Variants in PGM1 observed in about 807,000 individuals in gnomAD.
PGM1 encodes the protein phosphoglucomutase-1.
In PGM1, 52 loss-of-function variants were observed where a neutral mutation model predicts 55.6. The observed-to-expected ratio is 0.94, with a 90% confidence interval of 0.75 to 1.18. The LOEUF is 1.18. PGM1 is among the 50% of genes most tolerant of loss of function. PGM1 has a pLI of 0.00. For missense variants in PGM1, 724 were observed against 729.3 expected (o/e 0.99, Z 0.08); for synonymous variants, 287 against 271.7 (o/e 1.06, Z -0.55).
chr1:63,629,199 A>T (rs1649121575), intron 1 of PGM1, among the ~76,000 whole-genome samples: 1 of 152,210 alleles, frequency 6.6e-6, no homozygotes, highest in Non-Finnish European at 1.5e-5. Flanking sequence ...AAAACTACAA[A>T]GTCCCGAAAA....
rs776683132 is a variant in PGM1, at chr1:63,654,360, C to G, written c.1493C>G (p.Ser498Cys). 10 of 1,613,936 alleles carry G rather than the reference C, an allele frequency of 6.2e-6. No homozygotes were observed. The highest frequency in any genetic ancestry group is 8.5e-6 in the Non-Finnish European group (10 of 1,179,920). Residue 498 changes from serine (S) to cysteine (C), a missense_variant, in exon 10 of 11, where the codon TCT (serine) becomes TGT (cysteine). Transcript: ENST00000371084. Reference protein sequence around the residue: ...QGLRLIFTDGSRIVFRLSGTG... With the variant: ...QGLRLIFTDGCRIVFRLSGTG... ...TTGCGCCTCATTTTCACAGATGGTT[C>G]TCGAATCGTCTTCCGACTGAGCGGC...
At chr1:63,595,967 C>T (rs1648053326) in intron 1 of PGM1, among the ~76,000 whole-genome samples, 1 of 152,172 alleles carries the variant, frequency 6.6e-6, no homozygotes, top group Non-Finnish European at 1.5e-5. Context: ...CCGGTTTACT[C>T]GCCATTTCAC....
At chr1:63,639,132 A>G (rs1351279257) in intron 7 of PGM1, among the ~76,000 whole-genome samples, 4 of 152,198 alleles carry the variant, frequency 2.6e-5, no homozygotes, top group Non-Finnish European at 5.9e-5. Flanking sequence ...ACCTTTATAA[A>G]TGTTTTCATT....
At chr1:63,639,062 G>C (rs1220456681) in intron 7 of PGM1, among the ~76,000 whole-genome samples, 2 of 152,182 alleles carry the variant, frequency 1.3e-5, no homozygotes, top group Non-Finnish European at 2.9e-5. Context: ...CGTGGTCATT[G>C]AGTCTGCAGG....
At chr1:63,646,056 T>C (rs1420229031) in intron 7 of PGM1, among the ~76,000 whole-genome samples, 1 of 151,952 alleles carries the variant, frequency 6.6e-6, no homozygotes, top group African/African-American at 2.4e-5. Flanking sequence ...CCTAGGGAAG[T>C]TGGGAGCTAG....
In PGM1 at chr1:63,659,719, T is replaced by C; in HGVS notation, c.*44T>C. On this transcript the variant is annotated 3_prime_UTR_variant, in exon 11 of 11. Transcript: ENST00000371084. ...GTACGTCCCTCCACCCCCGGACCCA[T>C]CCAAGTCATCTGATTGAAGAGCATG... is the stretch of plus-strand genomic sequence containing the variant. 1 of 1,394,490 alleles carries C rather than the reference T, an allele frequency of 7.2e-7. No homozygotes were observed. Among genetic ancestry groups the C allele is most frequent in the Non-Finnish European group, 1.0e-6 (1 of 979,480 alleles). The allele number at this position is 1,394,490 out of a possible 1,614,324, so 86.4% of individuals were successfully genotyped here. A position where few individuals can be genotyped will look rare whatever the true frequency, so the allele number is the denominator to read the frequency against.
chr1:63,635,424 T>C (rs1649337399), intron 5 of PGM1, among the ~76,000 whole-genome samples: 1 of 152,198 alleles, frequency 6.6e-6, no homozygotes, highest in Non-Finnish European at 1.5e-5. Flanking sequence ...ATGAGCTGAA[T>C]ATTGAAGCTG....
intron 1 of PGM1, among the ~76,000 whole-genome samples, chr1:63,620,665 A>T (rs901738122): frequency 5.9e-5 from 9 of 152,342 alleles, no homozygotes; most frequent in African/African-American, 1.9e-4. Context: ...TCTACTGGGA[A>T]GGTATCACTG....
intron 7 of PGM1, among the ~76,000 whole-genome samples, chr1:63,644,718 A>G (rs2100995451): frequency 6.6e-6 from 1 of 152,360 alleles, no homozygotes; most frequent in African/African-American, 2.4e-5. Context: ...AGAAGTTAGC[A>G]TTATTTCTGT....
At chr1:63,646,658 G>A (rs935008218) in intron 7 of PGM1, among the ~76,000 whole-genome samples, 8 of 152,062 alleles carry the variant, frequency 5.3e-5, no homozygotes, top group African/African-American at 1.2e-4. Context: ...GTGGAATCCC[G>A]TTTCCCTTTT....
intron 7 of PGM1, among the ~76,000 whole-genome samples, chr1:63,645,513 T>C (rs970916074): frequency 7.9e-5 from 12 of 152,202 alleles, no homozygotes; most frequent in African/African-American, 2.7e-4. Flanking sequence ...CTTCTCAGGA[T>C]GAACTGTTGC....
In PGM1 at chr1:63,607,728, G is replaced by A. The variant is rs977133543; in HGVS notation, c.246+13994G>A. ...AATTAGTATCGTACCCTGCCAAATCGCCACTCTGGGAACCATGCACGCACT... is the reference window on the plus strand; with the variant it reads ...AATTAGTATCGTACCCTGCCAAATCACCACTCTGGGAACCATGCACGCACT... On this transcript the variant is annotated intron_variant, in intron 1 of 10. Coordinates refer to ENST00000371084, the MANE Select transcript of PGM1 (RefSeq NM_002633.3). Among the ~76,000 whole-genome samples, 7 of 151,988 alleles carry A rather than the reference G, an allele frequency of 4.6e-5. No individual in the cohort carries two copies. The East Asian group carries it at 1.2e-3, about 25-fold the overall frequency.
intron 8 of PGM1, 54 bp downstream of exon 8, chr1:63,648,706 A>T (rs1649723926): frequency 1.0e-5 from 16 of 1,592,688 alleles, no homozygotes; most frequent in Non-Finnish European, 8.6e-6. Flanking sequence ...GGGCAGAGAG[A>T]ATTCTTGCGC....
At chr1:63,646,211 G>A (rs1351854104) in intron 7 of PGM1, among the ~76,000 whole-genome samples, 1 of 152,170 alleles carries the variant, frequency 6.6e-6, no homozygotes, top group East Asian at 1.9e-4. Flanking sequence ...GTGCAGTAGG[G>A]CAGGCACATA....
chr1:63,659,973 A>G lies in PGM1; in HGVS notation c.*298A>G. ...TCAGGTACAGTTTACACTACAATGT[A>G]AGCTATAGGTGGAGCATCAGCAGTG... On this transcript the variant is annotated 3_prime_UTR_variant, in exon 11 of 11. Transcript: ENST00000371084. The G allele has an allele frequency of 2.0e-6, 1 of 506,690 alleles. No individual in the cohort carries two copies. Among genetic ancestry groups the G allele is most frequent in the Non-Finnish European group, 3.6e-6 (1 of 276,614 alleles). The allele number at this position is 506,690 out of a possible 1,614,324, so 31.4% of individuals were successfully genotyped here.
chr1:63,648,662 A>G lies in PGM1; in HGVS notation c.1280+10A>G. 1 of 1,613,520 alleles carries G rather than the reference A, an allele frequency of 6.2e-7. No individual in the cohort carries two copies. Among genetic ancestry groups the G allele is most frequent in the East Asian group, 2.2e-5 (1 of 44,860 alleles). The stretch of plus-strand genomic sequence containing the variant: ...GGAATTTCTTCACCAGGTGAGCCAC[A>G]GCCCAGCTGGGGTACAAGGTAAGGT... On this transcript the variant is annotated intron_variant, in intron 8 of 10. Transcript: ENST00000371084.
chr1:63,611,862 C>T (rs1648575809), intron 1 of PGM1, among the ~76,000 whole-genome samples: 1 of 151,678 alleles, frequency 6.6e-6, no homozygotes, highest in South Asian at 2.1e-4. Flanking sequence ...CGAGATTGCA[C>T]CACTGCACTC....
intron 1 of PGM1, 179 bp downstream of exon 1, chr1:63,593,913 C>G (rs922741482): frequency 3.5e-5 from 43 of 1,242,944 alleles, no homozygotes; most frequent in Non-Finnish European, 4.2e-5. Context: ...ACGGAGGTCG[C>G]CGGGCTGGGG....
chr1:63,634,828 G>A lies in PGM1; in HGVS notation c.683-1G>A. On this transcript the variant is annotated splice_acceptor_variant, in intron 4 of 10. Transcript: ENST00000371084. LOFTEE classifies it high-confidence loss of function. The stretch of plus-strand genomic sequence containing the variant: ...ATACATTTATTCCATGCTGTATATA[G>A]TTGTGGGACCGTATGTAAAGAAGAT... 6.2e-7 allele frequency: 1 copy of A among 1,612,038 alleles called. No individual in the cohort carries two copies. Among genetic ancestry groups the A allele is most frequent in the Non-Finnish European group, 8.5e-7 (1 of 1,178,946 alleles).
Sources: allele counts gnomAD v4.1 joint callset (sites outside exome capture counted in the v4.1 genomes callset), GRCh38; gene constraint gnomAD v4.1.1; transcripts MANE v1.5; gene names NCBI Gene and HGNC (gene_info 2026-07-23, HGNC 2026-07-21).